STK32B: variants seen among roughly 807,000 people sequenced by gnomAD.
The protein encoded by STK32B is serine/threonine kinase 32B, also known as serine/threonine-protein kinase 32B.
STK32B carries 43 observed loss-of-function variants against 52.6 expected under a neutral mutation model. That is an observed-to-expected ratio of 0.82 (90% confidence interval 0.64 to 1.05). STK32B has a LOEUF of 1.05. Among genes scored for constraint, STK32B ranks in the 50% least tolerant of loss-of-function variants. The pLI, the probability that STK32B is intolerant of heterozygous loss-of-function variation, is 0.00. For missense variants in STK32B, 621 were observed against 534.6 expected (o/e 1.16, Z -1.59); for synonymous variants, 238 against 204.3 (o/e 1.17, Z -1.41).
intron 3 of STK32B, among the ~76,000 whole-genome samples, chr4:5,224,729 CATTA>C (rs143962090): frequency 0.022 from 3,418 of 152,088 alleles, 111 homozygotes; most frequent in African/African-American, 0.072. Flanking sequence ...ATCAATTCAT[CATTA>C]ATTAATAATA....
At chr4:5,094,687 A>G (rs966097009) in intron 1 of STK32B, among the ~76,000 whole-genome samples, 2 of 152,162 alleles carry the variant, frequency 1.3e-5, no homozygotes, top group African/African-American at 4.8e-5. Flanking sequence ...TACTTATAAC[A>G]TACAAAATAT....
intron 4 of STK32B, among the ~76,000 whole-genome samples, chr4:5,344,529 A>T (rs1325723552): frequency 6.6e-6 from 1 of 152,226 alleles, no homozygotes; most frequent in Non-Finnish European, 1.5e-5. Flanking sequence ...CTTGACATGT[A>T]TAAGAAAACC....
rs543615817 is a variant in STK32B at position 5,304,834 on chromosome 4, T to C, written c.261-26386T>C. 4.9e-4 allele frequency among the ~76,000 whole-genome samples: 74 copies of C among 152,280 alleles called. 1 individual carries two copies. Among genetic ancestry groups the C allele is most frequent in the African/African-American group, 1.6e-3 (68 of 41,566 alleles). On this transcript the variant is annotated intron_variant, in intron 3 of 11. Transcript: ENST00000282908. ...ATATTGGCTGTGGGTTTGTCATAGA[T>C]GGCTTTTATTACCTTAAGGTATGTC...
At chr4:5,090,690 A>G (rs1266142612) in intron 1 of STK32B, among the ~76,000 whole-genome samples, 1 of 152,012 alleles carries the variant, frequency 6.6e-6, no homozygotes, top group East Asian at 1.9e-4. Flanking sequence ...TAATTTTTGT[A>G]TAAGGTGTAA....
intron 4 of STK32B, among the ~76,000 whole-genome samples, chr4:5,393,646 A>T (rs1483521562): frequency 6.6e-6 from 1 of 152,080 alleles, no homozygotes; most frequent in Non-Finnish European, 1.5e-5. Context: ...AACAACCACA[A>T]CTCACTATCA....
intron 3 of STK32B, among the ~76,000 whole-genome samples, chr4:5,227,193 A>G (rs1723932460): frequency 6.6e-6 from 1 of 152,204 alleles, no homozygotes. Context: ...ATACCACACC[A>G]AAACTCAACA....
At chr4:5,221,835 A>G (rs1723555864) in intron 3 of STK32B, among the ~76,000 whole-genome samples, 1 of 137,160 alleles carries the variant, frequency 7.3e-6, no homozygotes, top group Non-Finnish European at 1.5e-5. Context: ...CAGCCTGGAG[A>G]CAGAGCAAGA....
chr4:5,469,050 C>CAAAA lies in STK32B; in HGVS notation c.1106+994_1106+997dup, dbSNP rs34295862. 1.4e-4 allele frequency among the ~76,000 whole-genome samples: 18 copies of CAAAA among 127,046 alleles called. No individual in the cohort carries two copies. Among genetic ancestry groups the CAAAA allele is most frequent in the Middle Eastern group, 8.1e-3 (2 of 246 alleles). The allele number at this position is 127,046 out of a possible 152,430, so 83.3% of individuals were successfully genotyped here. On this transcript the variant is annotated intron_variant, in intron 11 of 11. Transcript: ENST00000282908. The surrounding 1 kb of genome is among the most constrained non-coding windows in gnomAD (Gnocchi z 4.7). ...TGGGCGACAGAGCAAGACTCCGTCT[C>CAAAA]AAAAAAAAAAAAAAAAATTATCTAG...
In STK32B at chr4:5,245,465, C is replaced by T. The variant is rs116635492; in HGVS notation, c.260+77015C>T. ...CCTCCATCCCTTTACTTTGAGCCTA[C>T]GTGAGCACGTGAGATGGGTTTCCTG... On this transcript the variant is annotated intron_variant, in intron 3 of 11. Coordinates refer to ENST00000282908, the MANE Select transcript of STK32B (RefSeq NM_018401.3). Among the ~76,000 whole-genome samples, 716 of 150,150 alleles carry T rather than the reference C, an allele frequency of 4.8e-3. 2 individuals are homozygous for T. The highest frequency in any genetic ancestry group is 0.015 in the African/African-American group (639 of 41,282).
intron 1 of STK32B, among the ~76,000 whole-genome samples, chr4:5,119,078 CTG>C (rs1714888037): frequency 6.6e-6 from 1 of 152,216 alleles, no homozygotes; most frequent in African/African-American, 2.4e-5. Flanking sequence ...CTGTATGAAT[CTG>C]TGTTTTCCAC....
At chr4:5,331,097 A>T in intron 3 of STK32B, 123 bp from the exon 4 acceptor site, 1 of 877,668 alleles carries the variant, frequency 1.1e-6, no homozygotes, top group South Asian at 1.9e-5. Context: ...TAGCACCATG[A>T]CTCAGGCAAC....
At position 5,372,723 on chromosome 4, in the gene STK32B, G is replaced by T. The variant is rs112509438; in HGVS notation, c.435-25484G>T. Among the ~76,000 whole-genome samples the T allele has an allele frequency of 3.5e-3, 533 of 150,224 alleles. 5 individuals carry two copies. The highest frequency in any genetic ancestry group is 0.023 in the Admixed American group (341 of 15,130). On this transcript the variant is annotated intron_variant, in intron 4 of 11. Coordinates refer to ENST00000282908, the MANE Select transcript of STK32B (RefSeq NM_018401.3). ...CGTGGCCTCAGCAGGAGAAAGTTGGGGGGGGGGGCGGTTATTTCAGACTAA... is the reference window on the plus strand; with the variant it reads ...CGTGGCCTCAGCAGGAGAAAGTTGGTGGGGGGGGCGGTTATTTCAGACTAA...
chr4:5,125,882 T>C (rs1044794434), intron 1 of STK32B, among the ~76,000 whole-genome samples: 2 of 152,202 alleles, frequency 1.3e-5, no homozygotes, highest in African/African-American at 4.8e-5. Flanking sequence ...CTGCCTCTTA[T>C]TCCCATCTAG....
intron 11 of STK32B, among the ~76,000 whole-genome samples, chr4:5,481,782 C>G (rs1213808463): frequency 6.6e-6 from 1 of 152,130 alleles, no homozygotes; most frequent in Admixed American, 6.6e-5. Context: ...GGAAGGGATC[C>G]AGTTTCGGCT....
chr4:5,497,228 C>A (rs1720348325), intron 11 of STK32B, among the ~76,000 whole-genome samples: 1 of 152,216 alleles, frequency 6.6e-6, no homozygotes, highest in Non-Finnish European at 1.5e-5. Flanking sequence ...TGCCTTTGAA[C>A]TTTGAGAGCC....
At chr4:5,360,016 G>C (rs1036521637) in intron 4 of STK32B, among the ~76,000 whole-genome samples, 1 of 152,188 alleles carries the variant, frequency 6.6e-6, no homozygotes, top group Admixed American at 6.5e-5. Flanking sequence ...GCTGCTGTGT[G>C]GAAGATGGAC....
chr4:5,435,361 C>T (rs1713964162), intron 6 of STK32B, among the ~76,000 whole-genome samples: 1 of 152,176 alleles, frequency 6.6e-6, no homozygotes, highest in South Asian at 2.1e-4. Context: ...TCCCGGTGAG[C>T]CAGGGCTGCC....
intron 3 of STK32B, among the ~76,000 whole-genome samples, chr4:5,280,621 G>A (rs570016087): frequency 3.4e-4 from 52 of 152,266 alleles, no homozygotes; most frequent in African/African-American, 1.2e-3. Flanking sequence ...CTGGCCGAGC[G>A]CAGTGGCTTA....
intron 3 of STK32B, among the ~76,000 whole-genome samples, chr4:5,279,515 A>G (rs532904295): frequency 2.0e-5 from 3 of 152,262 alleles, no homozygotes; most frequent in South Asian, 2.1e-4. Flanking sequence ...TTGAGTGCCT[A>G]TGGCTTTTCC....
Sources: gnomAD v4.1 joint callset for allele counts (sites outside exome capture counted in the v4.1 genomes callset) on GRCh38, gnomAD v4.1.1 for gene constraint, Gnocchi (gnomAD v3.1) non-coding constraint, MANE v1.5 for transcripts, NCBI Gene and HGNC (gene_info 2026-07-23, HGNC 2026-07-21) for gene names.